Variants in PCLO observed in about 807,000 individuals in gnomAD.
PCLO encodes piccolo presynaptic cytomatrix protein.
PCLO carries 82 observed loss-of-function variants against 427.5 expected under a neutral mutation model. The ratio of observed to expected loss-of-function variants is 0.19; its 90% CI spans 0.16 to 0.23. The LOEUF is 0.23. Among genes scored for constraint, PCLO ranks in the 10% least tolerant of loss-of-function variants. The pLI, the probability that PCLO is intolerant of heterozygous loss-of-function variation, is 1.00. For missense variants in PCLO, 6,239 were observed against 6,115.9 expected, an observed-to-expected ratio of 1.02 and a Z score of -0.67; for synonymous variants, 2,357 against 2,155.4, an observed-to-expected ratio of 1.09 and a Z score of -2.59.
At chr7:83,108,842 A>G (rs1255379924) in intron 3 of PCLO, among the ~76,000 whole-genome samples, 2 of 152,164 alleles carry the variant, frequency 1.3e-5, no homozygotes, top group African/African-American at 2.4e-5. Context: ...TTAATTTTCA[A>G]CTTAATCACA....
intron 4 of PCLO, among the ~76,000 whole-genome samples, chr7:82,962,303 C>T (rs907734138): frequency 6.6e-6 from 1 of 151,962 alleles, no homozygotes; most frequent in Non-Finnish European, 1.5e-5. Context: ...TTTTCTTTCT[C>T]AATAAGAAAA....
At chr7:82,770,392 T>C (rs1235716714) in intron 22 of PCLO, among the ~76,000 whole-genome samples, 1 of 152,022 alleles carries the variant, frequency 6.6e-6, no homozygotes, top group Non-Finnish European at 1.5e-5. Context: ...CAATTATCTG[T>C]TTTCTTCCAA....
intron 6 of PCLO, among the ~76,000 whole-genome samples, chr7:82,917,134 A>T (rs921828805): frequency 1.3e-4 from 20 of 152,130 alleles, no homozygotes; most frequent in African/African-American, 3.4e-4. Context: ...ATTAATATAC[A>T]TAAGATTATT....
intron 20 of PCLO, chr7:82,821,018 A>G: frequency 1.7e-6 from 2 of 1,210,872 alleles, no homozygotes; most frequent in Non-Finnish European, 2.1e-6. Flanking sequence ...GTGGATAAAC[A>G]TATTTTATCA....
At chr7:82,822,986 A>G (rs1791832878) in intron 19 of PCLO, among the ~76,000 whole-genome samples, 1 of 152,188 alleles carries the variant, frequency 6.6e-6, no homozygotes, top group Non-Finnish European at 1.5e-5. Flanking sequence ...CACCTCTGCT[A>G]ATTCCAGCAG....
intron 3 of PCLO, among the ~76,000 whole-genome samples, chr7:83,099,916 G>C (rs569975830): frequency 6.6e-5 from 10 of 152,134 alleles, no homozygotes; most frequent in Middle Eastern, 3.4e-3. Flanking sequence ...TTTTGAAGAG[G>C]TTTATAAGAA....
chr7:82,809,298 G>A (rs906692450), intron 20 of PCLO, among the ~76,000 whole-genome samples: 4 of 151,656 alleles, frequency 2.6e-5, no homozygotes, highest in African/African-American at 9.7e-5. Flanking sequence ...TTACATGGAA[G>A]CCCTCTCAGT....
intron 3 of PCLO, among the ~76,000 whole-genome samples, chr7:83,094,298 TC>T (rs1790475009): frequency 6.8e-6 from 1 of 146,390 alleles, no homozygotes; most frequent in Non-Finnish European, 1.5e-5. Context: ...AACCTTCACC[TC>T]CTGAGTTCAA....
rs193018279 is a variant in PCLO at position 82,852,354 on chromosome 7, C to G, written c.13655-5107G>C. On this transcript the variant is annotated intron_variant, in intron 10 of 24. Transcript: ENST00000333891. ...AGTCAATGAGCTGGGAGAGGCTGACCCACCCTCAGTCTGGGTGGGTACCAG... is the reference window on the plus strand; with the variant it reads ...AGTCAATGAGCTGGGAGAGGCTGACGCACCCTCAGTCTGGGTGGGTACCAG... Among the ~76,000 whole-genome samples the G allele has an allele frequency of 4.8e-3, 726 of 152,062 alleles. 3 individuals carry two copies. Among genetic ancestry groups the G allele is most frequent in the African/African-American group, 0.017 (695 of 41,496 alleles).
intron 18 of PCLO, 70 bp downstream of exon 18, chr7:82,826,519 T>C: frequency 3.0e-6 from 3 of 988,380 alleles, no homozygotes; most frequent in South Asian, 1.5e-5. Flanking sequence ...TTCAGAAACA[T>C]GCTTTGCATC....
At position 82,956,294 on chromosome 7, in the gene PCLO, C is replaced by T. The variant is rs764878698; in HGVS notation, c.4659G>A (p.Glu1553=). Residue 1553 remains glutamate (E), a synonymous_variant, in exon 5 of 25, where the codon GAG becomes GAA. Coordinates refer to ENST00000333891, the MANE Select transcript of PCLO (RefSeq NM_033026.6). The part of the protein sequence containing the change: ...QEDSQGSGEE[E]DFIRKQIIEM... The stretch of plus-strand genomic sequence containing the variant: ...CTATGATTTGTTTTCGAATGAAGTC[C>T]TCCTCTTCCCCTGATCCTTGGCTGT... 644 of 1,612,632 alleles carry T rather than the reference C, an allele frequency of 4.0e-4. No homozygotes were observed. Among genetic ancestry groups the T allele is most frequent in the Non-Finnish European group, 5.4e-4 (637 of 1,179,868 alleles).
intron 22 of PCLO, among the ~76,000 whole-genome samples, chr7:82,779,752 T>TTC (rs1790832018): frequency 6.6e-6 from 1 of 150,628 alleles, no homozygotes; most frequent in Non-Finnish European, 1.5e-5. Context: ...CTTTCTTTTT[T>TTC]TTTTTTTTAG....
At chr7:82,769,654 T>C (rs17210782) in intron 22 of PCLO, among the ~76,000 whole-genome samples, 36,105 of 152,072 alleles carry the variant, frequency 0.24, 5,150 homozygotes, top group Non-Finnish European at 0.32. Context: ...TGATACCTTG[T>C]AAACGAAAAG....
At chr7:82,811,664 A>G (rs1791574886) in intron 20 of PCLO, among the ~76,000 whole-genome samples, 3 of 151,480 alleles carry the variant, frequency 2.0e-5, no homozygotes, top group Admixed American at 6.6e-5. Flanking sequence ...ATTTTTTTCC[A>G]AATCTACTTC....
At position 82,835,573 on chromosome 7, in the gene PCLO, C is replaced by T. The variant is rs1429274244; in HGVS notation, c.14249+94G>A. 4.8e-6 allele frequency: 4 copies of T among 841,984 alleles called. No individual in the cohort carries two copies. In the East Asian group the frequency reaches 7.9e-5, roughly 17 times the overall value. The allele number at this position is 841,984 out of a possible 1,614,324, so 52.2% of individuals were successfully genotyped here. ...ATGTAGAAAAATATAAGTTACAGCC[C>T]ATGTTGAAGTGCCAGTGAATGTACA... On this transcript the variant is annotated intron_variant, in intron 16 of 24. Transcript: ENST00000333891.
intron 3 of PCLO, among the ~76,000 whole-genome samples, chr7:83,039,954 CCT>C (rs1491377738): frequency 2.6e-5 from 4 of 151,858 alleles, no homozygotes; most frequent in South Asian, 2.1e-4. Context: ...GTTTTAATTT[CCT>C]TTTTTGCATT....
At chr7:83,089,422 C>T (rs993458015) in intron 3 of PCLO, among the ~76,000 whole-genome samples, 2 of 151,952 alleles carry the variant, frequency 1.3e-5, no homozygotes, top group African/African-American at 4.8e-5. Flanking sequence ...TGTCCTTTCT[C>T]CCCCCTGACC....
intron 9 of PCLO, among the ~76,000 whole-genome samples, chr7:82,892,261 G>T (rs548173012): frequency 6.6e-6 from 1 of 152,176 alleles, no homozygotes; most frequent in South Asian, 2.1e-4. Flanking sequence ...AGAGCCCTCA[G>T]AAATAATGCC....
intron 6 of PCLO, among the ~76,000 whole-genome samples, chr7:82,932,884 T>C (rs1203410099): frequency 6.6e-6 from 1 of 152,086 alleles, no homozygotes; most frequent in Non-Finnish European, 1.5e-5. Flanking sequence ...TTTGTTACAC[T>C]GTAATAGAAA....
Sources: gnomAD v4.1 joint callset for allele counts (sites outside exome capture counted in the v4.1 genomes callset) on GRCh38, gnomAD v4.1.1 for gene constraint, MANE v1.5 for transcripts, NCBI Gene and HGNC (gene_info 2026-07-23, HGNC 2026-07-21) for gene names.